MICOS10: variants seen among roughly 807,000 people sequenced by gnomAD.
The protein encoded by MICOS10 is mitochondrial contact site and cristae organizing system subunit 10.
A neutral mutation model predicts 13.4 loss-of-function variants in MICOS10; 5 were observed. That is an observed-to-expected ratio of 0.37 (90% CI 0.20 to 0.78). The LOEUF is 0.78. Among genes scored for constraint, MICOS10 ranks in the 30% least tolerant of loss-of-function variants. MICOS10 has a pLI of 0.47. For missense variants in MICOS10, 101 were observed against 94.6 expected, an observed-to-expected ratio of 1.07 and a Z score of -0.28; for synonymous variants, 35 against 33.6, an observed-to-expected ratio of 1.04 and a Z score of -0.15.
intron 1 of MICOS10, among the ~76,000 whole-genome samples, chr1:19,616,182 C>T (rs2094883909): frequency 6.6e-6 from 1 of 152,184 alleles, no homozygotes; most frequent in Non-Finnish European, 1.5e-5. Context: ...TCCCAAAGTG[C>T]TGGGATTATA....
chr1:19,610,096 C>T (rs1484618844), intron 1 of MICOS10, among the ~76,000 whole-genome samples: 3 of 152,060 alleles, frequency 2.0e-5, no homozygotes, highest in Non-Finnish European at 4.4e-5. Flanking sequence ...TAGCTGAGAT[C>T]GCTCCACTGC....
chr1:19,615,230 T>C (rs2094879116), intron 1 of MICOS10, among the ~76,000 whole-genome samples: 1 of 152,388 alleles, frequency 6.6e-6, no homozygotes, highest in East Asian at 1.9e-4. Context: ...CCAGTACTCT[T>C]GCCCTTTAGT....
intron 1 of MICOS10, chr1:19,607,973 A>T (rs550740074): frequency 3.3e-6 from 2 of 607,200 alleles, no homozygotes; most frequent in Non-Finnish European, 5.9e-6. Context: ...TCTTTTCAAC[A>T]AACCATGCTA....
At chr1:19,601,545 C>G (rs1411960141) in intron 1 of MICOS10, among the ~76,000 whole-genome samples, 2 of 149,476 alleles carry the variant, frequency 1.3e-5, no homozygotes, top group African/African-American at 5.0e-5. Context: ...CCACTGCACT[C>G]CAGCCCAGAC....
intron 1 of MICOS10, chr1:19,614,672 TCTTC>T (rs1215968025): frequency 6.6e-6 from 1 of 152,280 alleles, no homozygotes; most frequent in East Asian, 1.9e-4. Flanking sequence ...AGCAAAATGC[TCTTC>T]CTTTCCAAGC....
intron 1 of MICOS10, among the ~76,000 whole-genome samples, chr1:19,620,927 C>A (rs2094901031): frequency 6.6e-6 from 1 of 152,136 alleles, no homozygotes; most frequent in African/African-American, 2.4e-5. Context: ...CTTTTGATTT[C>A]TTTGCCAAAA....
intron 3 of MICOS10, chr1:19,625,250 T>C (rs1031775822): frequency 3.5e-6 from 3 of 846,470 alleles, no homozygotes; most frequent in Non-Finnish European, 4.8e-6. Context: ...GATTGACTTG[T>C]CCATTGTTCC....
chr1:19,608,686 G>A, intron 1 of MICOS10: 3 of 578,140 alleles, frequency 5.2e-6, no homozygotes, highest in South Asian at 2.1e-5. Flanking sequence ...AAGATTTTGG[G>A]GAATACAAAA....
chr1:19,622,015 T>G (rs2094905409), intron 1 of MICOS10, 85 bp from the exon 2 acceptor site: 1 of 985,520 alleles, frequency 1.0e-6, no homozygotes, highest in Admixed American at 2.2e-5. Context: ...ATCTGTTTAA[T>G]GATGTTCACA....
chr1:19,621,800 T>C (rs2094904579), intron 1 of MICOS10, among the ~76,000 whole-genome samples: 1 of 152,162 alleles, frequency 6.6e-6, no homozygotes, highest in Non-Finnish European at 1.5e-5. Context: ...TGGAGGCTCC[T>C]TGCCAGCAGT....
intron 1 of MICOS10, among the ~76,000 whole-genome samples, chr1:19,609,276 C>T (rs1198605703): frequency 2.0e-5 from 3 of 151,854 alleles, no homozygotes; most frequent in East Asian, 1.9e-4. Context: ...TAGGGAAAAG[C>T]GAATTAAAAT....
chr1:19,626,666 T>G lies in MICOS10; in HGVS notation c.*265T>G. 2.2e-6 allele frequency: 1 copy of G among 458,394 alleles called. No homozygotes were observed. The allele number at this position is 458,394 out of a possible 1,614,324, so 28.4% of individuals were successfully genotyped here. A position where few individuals can be genotyped will look rare whatever the true frequency, so the allele number is the denominator to read the frequency against. Reference sequence around the variant, plus strand: ...GGCCTTTGTTTCTTCACCTTTGGTCTCTGAGCATGAGGAGGACTGTGTGTG... The same window carrying G: ...GGCCTTTGTTTCTTCACCTTTGGTCGCTGAGCATGAGGAGGACTGTGTGTG... On this transcript the variant is annotated 3_prime_UTR_variant, in exon 4 of 4. Coordinates refer to ENST00000322753, the MANE Select transcript of MICOS10 (RefSeq NM_001032363.4).
intron 1 of MICOS10, 43 bp downstream of exon 1, chr1:19,597,152 T>A (rs1371818790): frequency 5.1e-6 from 8 of 1,572,018 alleles, no homozygotes; most frequent in Non-Finnish European, 6.9e-6. Flanking sequence ...GGTGCAGAGC[T>A]GCTGGCTCCA....
At chr1:19,615,430 T>G (rs1197861910) in intron 1 of MICOS10, among the ~76,000 whole-genome samples, 1 of 152,212 alleles carries the variant, frequency 6.6e-6, no homozygotes, top group Non-Finnish European at 1.5e-5. Flanking sequence ...ATGCAGAAAC[T>G]GAAACATAGA....
chr1:19,605,922 G>A (rs2100258948), intron 1 of MICOS10, among the ~76,000 whole-genome samples: 1 of 152,268 alleles, frequency 6.6e-6, no homozygotes, highest in South Asian at 2.1e-4. Context: ...TTGCTTGGTT[G>A]TGTGGCAATT....
intron 1 of MICOS10, chr1:19,600,709 C>T (rs915690663): frequency 1.9e-5 from 7 of 367,644 alleles, no homozygotes; most frequent in African/African-American, 6.4e-5. Flanking sequence ...TCAGGTGATC[C>T]TCCCACCTCA....
intron 1 of MICOS10, chr1:19,608,067 A>T: frequency 1.2e-6 from 1 of 814,266 alleles, no homozygotes; most frequent in Non-Finnish European, 2.2e-6. Flanking sequence ...AAAACTATAA[A>T]ACCTATAAGA....
In MICOS10 at chr1:19,627,786, A is replaced by G. The variant is rs2094926658; in HGVS notation, c.*1385A>G. 1 of 152,096 alleles carries G rather than the reference A, an allele frequency of 6.6e-6. No individual in the cohort carries two copies. Among genetic ancestry groups the G allele is most frequent in the Non-Finnish European group, 1.5e-5 (1 of 68,026 alleles). The allele number at this position is 152,096 out of a possible 1,614,324, so 9.4% of individuals were successfully genotyped here. A position where few individuals can be genotyped will look rare whatever the true frequency, so the allele number is the denominator to read the frequency against. On this transcript the variant is annotated 3_prime_UTR_variant, in exon 4 of 4. Transcript: ENST00000322753. ...GGCAATAGGGTACAACTCATGTCTG[A>G]CTCCAGTTCTGGAACATTGATTAGA...
intron 1 of MICOS10, among the ~76,000 whole-genome samples, chr1:19,621,135 C>A (rs1466645834): frequency 6.6e-6 from 1 of 152,218 alleles, no homozygotes. Context: ...AAATTGAACC[C>A]TGTACCATTT....
Sources: gnomAD v4.1 joint callset for allele counts (sites outside exome capture counted in the v4.1 genomes callset) on GRCh38, gnomAD v4.1.1 for gene constraint, MANE v1.5 for transcripts, NCBI Gene and HGNC (gene_info 2026-07-23, HGNC 2026-07-21) for gene names.